SBF2: variants seen among roughly 807,000 people sequenced by gnomAD.
SBF2 encodes the protein SET binding factor 2, also known as myotubularin-related protein 13.
A neutral mutation model predicts 225.2 loss-of-function variants in SBF2; 112 were observed. The ratio of observed to expected loss-of-function variants is 0.50; its 90% CI spans 0.43 to 0.58. SBF2 has a LOEUF of 0.58. Among genes scored for constraint, SBF2 ranks in the 20% least tolerant of loss-of-function variants. SBF2 has a pLI of 0.00. For missense variants in SBF2, 1,996 were observed against 2,206.2 expected, an observed-to-expected ratio of 0.90 and a Z score of 1.91; for synonymous variants, 763 against 773.3, an observed-to-expected ratio of 0.99 and a Z score of 0.22.
rs184952813 is a variant in SBF2, at chr11:9,978,024, C to G, written c.1396-9479G>C. Reference sequence around the variant, plus strand: ...GAATGGAATCACCAGGTCTCAATTCCAACCCAATAACAAGGAAAGAGTCAA... The same window carrying G: ...GAATGGAATCACCAGGTCTCAATTCGAACCCAATAACAAGGAAAGAGTCAA... On this transcript the variant is annotated intron_variant, in intron 13 of 39. Coordinates refer to ENST00000256190, the MANE Select transcript of SBF2 (RefSeq NM_030962.4). Among the ~76,000 whole-genome samples the G allele has an allele frequency of 2.6e-5, 4 of 152,234 alleles. No individual in the cohort carries two copies. In the East Asian group the frequency reaches 7.7e-4, roughly 29 times the overall value.
At chr11:9,917,996 G>C (rs762061849) in intron 16 of SBF2, among the ~76,000 whole-genome samples, 1 of 151,492 alleles carries the variant, frequency 6.6e-6, no homozygotes, top group Admixed American at 6.6e-5. Context: ...CATACCCTAC[G>C]ATTCCATCAC....
chr11:9,795,838 T>A lies in SBF2; in HGVS notation c.4563A>T (p.Leu1521Phe), dbSNP rs148988271. Residue 1521 changes from leucine to phenylalanine, a missense_variant, in exon 33 of 40, where the codon TTA becomes TTT. Transcript: ENST00000256190. ...TFLLDSDYER[L>F]EHGTLFDDKG... ...GGGCATACAGACACATACCGTGCTC[T>A]AATCTTTCATAGTCTGAATCCAGGA... 3.7e-5 allele frequency: 59 copies of A among 1,613,714 alleles called. No individual in the cohort carries two copies. The highest frequency in any genetic ancestry group is 5.1e-6 in the Non-Finnish European group (6 of 1,179,932).
intron 27 of SBF2, among the ~76,000 whole-genome samples, chr11:9,831,765 G>A (rs1240176576): frequency 6.6e-6 from 1 of 152,184 alleles, no homozygotes; most frequent in African/African-American, 2.4e-5. Flanking sequence ...AGCATTTGCA[G>A]TCATTAGTTT....
intron 2 of SBF2, among the ~76,000 whole-genome samples, chr11:10,121,943 T>A (rs1223273327): frequency 6.6e-6 from 1 of 152,198 alleles, no homozygotes. Context: ...CCATCCTGGT[T>A]ATGATGACTG....
intron 16 of SBF2, among the ~76,000 whole-genome samples, chr11:9,932,122 G>A (rs907765717): frequency 2.6e-5 from 4 of 152,110 alleles, no homozygotes; most frequent in Admixed American, 6.5e-5. Flanking sequence ...CAAGAAATAC[G>A]GGACTAGGTG....
intron 1 of SBF2, among the ~76,000 whole-genome samples, chr11:10,247,011 C>T (rs1051564050): frequency 2.0e-5 from 3 of 152,154 alleles, no homozygotes; most frequent in Non-Finnish European, 4.4e-5. Context: ...CACTTGAGCC[C>T]AGATGTTCGA....
At chr11:10,282,556 T>C (rs1353334623) in intron 1 of SBF2, among the ~76,000 whole-genome samples, 2 of 152,152 alleles carry the variant, frequency 1.3e-5, no homozygotes, top group African/African-American at 4.8e-5. Context: ...CTGAATTCCC[T>C]ATTTGTATCC....
intron 2 of SBF2, among the ~76,000 whole-genome samples, chr11:10,058,868 G>GA (rs928259595): frequency 2.9e-4 from 44 of 152,000 alleles, no homozygotes; most frequent in African/African-American, 1.1e-3. Context: ...CATTAATAAA[G>GA]AAAAAAACCT....
chr11:10,259,703 C>T (rs1020922634), intron 1 of SBF2, among the ~76,000 whole-genome samples: 1 of 151,970 alleles, frequency 6.6e-6, no homozygotes. Context: ...ACCAGATATA[C>T]CTTATCTAAA....
At position 9,787,745 on chromosome 11, in the gene SBF2, A is replaced by G. The variant is rs1034047054; in HGVS notation, c.4933-7T>C. 8.1e-6 allele frequency: 13 copies of G among 1,610,988 alleles called. No individual in the cohort carries two copies. Among genetic ancestry groups the G allele is most frequent in the East Asian group, 2.2e-5 (1 of 44,874 alleles). ...GCTCCAATTTTTCAATTTCCTGCAA[A>G]GAAATTAAAAGTTTTCTGATCAGTA... On this transcript the variant is annotated splice_region_variant and splice_polypyrimidine_tract_variant and intron_variant, in intron 35 of 39. Transcript: ENST00000256190.
intron 6 of SBF2, among the ~76,000 whole-genome samples, chr11:10,003,705 T>C (rs118058368): frequency 0.022 from 3,362 of 152,162 alleles, 60 homozygotes; most frequent in Non-Finnish European, 0.038. Context: ...TTTCCTTCTT[T>C]TCAATTTCTC....
chr11:10,251,985 G>A (rs754180406), intron 1 of SBF2, among the ~76,000 whole-genome samples: 5 of 152,172 alleles, frequency 3.3e-5, no homozygotes, highest in Admixed American at 6.5e-5. Flanking sequence ...GCTCATGCAC[G>A]AGGCCCCAAC....
intron 1 of SBF2, among the ~76,000 whole-genome samples, chr11:10,244,675 A>G (rs57975523): frequency 0.2 from 29,876 of 152,086 alleles, 3,110 homozygotes; most frequent in Middle Eastern, 0.26. Context: ...TTTGACAGGA[A>G]CTACACCAAA....
intron 2 of SBF2, among the ~76,000 whole-genome samples, chr11:10,071,263 C>CCT (rs1950858247): frequency 8.0e-6 from 1 of 124,932 alleles, no homozygotes. Flanking sequence ...TTCTCTCTCT[C>CCT]TCTTTTTTTT....
chr11:10,278,762 G>A lies in SBF2; in HGVS notation c.55+15253C>T, dbSNP rs1437197736. 2.0e-5 allele frequency among the ~76,000 whole-genome samples: 3 copies of A among 148,898 alleles called. No homozygotes were observed. The East Asian group carries it at 5.9e-4, about 29-fold the overall frequency. On this transcript the variant is annotated intron_variant, in intron 1 of 39. Coordinates refer to ENST00000256190, the MANE Select transcript of SBF2 (RefSeq NM_030962.4). ...CGAGCCCCATTGCACTCCAGCCTGG[G>A]CAACAAGAACGAAACTCCATCTCAA... is the stretch of plus-strand genomic sequence containing the variant.
At chr11:10,237,665 G>A (rs919402083) in intron 1 of SBF2, among the ~76,000 whole-genome samples, 2 of 152,170 alleles carry the variant, frequency 1.3e-5, no homozygotes, top group African/African-American at 4.8e-5. Context: ...GAGGTTTGAC[G>A]TGTATATACA....
chr11:10,238,523 A>T (rs983143287), intron 1 of SBF2, among the ~76,000 whole-genome samples: 4 of 136,474 alleles, frequency 2.9e-5, no homozygotes, highest in African/African-American at 1.0e-4. Context: ...AAAAGCTTGA[A>T]TTCCACAAGA....
In SBF2 at chr11:10,172,509, G is replaced by A. The variant is rs368172360; in HGVS notation, c.141+21393C>T. Among the ~76,000 whole-genome samples, 5 of 151,966 alleles carry A rather than the reference G, an allele frequency of 3.3e-5. 1 individual carries two copies. The Middle Eastern group carries it at 0.01, about 310-fold the overall frequency. ...TGGGATTACAGGCACCTGCCACCGC[G>A]CCCGGCTAATTTTTTTATTTTTTAG... On this transcript the variant is annotated intron_variant, in intron 2 of 39. Coordinates refer to ENST00000256190, the MANE Select transcript of SBF2 (RefSeq NM_030962.4).
chr11:10,251,351 T>C (rs1360085507), intron 1 of SBF2, among the ~76,000 whole-genome samples: 1 of 152,216 alleles, frequency 6.6e-6, no homozygotes, highest in African/African-American at 2.4e-5. Flanking sequence ...TCCCTCATAA[T>C]AGACTCTATA....
Sources: allele counts gnomAD v4.1 joint callset (sites outside exome capture counted in the v4.1 genomes callset), GRCh38; gene constraint gnomAD v4.1.1; transcripts MANE v1.5; gene names NCBI Gene and HGNC (gene_info 2026-07-23, HGNC 2026-07-21).